FAM184A: variants seen among roughly 807,000 people sequenced by gnomAD.
FAM184A encodes protein FAM184A.
FAM184A carries 99 observed loss-of-function variants against 143.8 expected under a neutral mutation model. The observed-to-expected ratio is 0.69, with a 90% CI of 0.58 to 0.81. The LOEUF (loss-of-function observed/expected upper bound fraction) is 0.81. Among genes scored for constraint, FAM184A ranks in the 40% least tolerant of loss-of-function variants. The pLI is 0.00. For synonymous variants in FAM184A, 427 were observed against 446.4 expected (o/e 0.96, Z 0.55); for missense variants, 1,217 against 1,310.5 (o/e 0.93, Z 1.10).
chr6:119,022,963 C>T lies in FAM184A; in HGVS notation c.1132G>A (p.Asp378Asn). 1 of 1,614,204 alleles carries T rather than the reference C, an allele frequency of 6.2e-7. No individual in the cohort carries two copies. The highest frequency in any genetic ancestry group is 8.5e-7 in the Non-Finnish European group (1 of 1,180,018). Residue 378 changes from aspartate to asparagine, a missense_variant, in exon 3 of 18, where the codon GAT becomes AAT. Coordinates refer to ENST00000338891, the MANE Select transcript of FAM184A (RefSeq NM_024581.6). Reference protein sequence around the residue: ...ARERLQQQASDLVLKASHIGM... With the variant: ...ARERLQQQASNLVLKASHIGM... ...CACATACTAGCTTTGAGGACAAGATCTGAAGCTTGCTGTTGTAAACGTTCT... is the reference window on the plus strand; with the variant it reads ...CACATACTAGCTTTGAGGACAAGATTTGAAGCTTGCTGTTGTAAACGTTCT...
rs968320251 is a variant in FAM184A at position 118,967,607 on chromosome 6, C to T, written c.2916-655G>A. On this transcript the variant is annotated intron_variant, in intron 14 of 17. Coordinates refer to ENST00000338891, the MANE Select transcript of FAM184A (RefSeq NM_024581.6). ...TGGTAATAGGCCTGAATGCCTTGAACGTTAAAATATAGGCCACTTTTTATA... is the reference window on the plus strand; with the variant it reads ...TGGTAATAGGCCTGAATGCCTTGAATGTTAAAATATAGGCCACTTTTTATA... Among the ~76,000 whole-genome samples the T allele has an allele frequency of 3.3e-5, 5 of 152,078 alleles. No individual in the cohort carries two copies. In the East Asian group the frequency reaches 5.8e-4, roughly 18 times the overall value.
At chr6:119,099,584 C>G (rs1788590734) in intron 1 of FAM184A, among the ~76,000 whole-genome samples, 1 of 152,148 alleles carries the variant, frequency 6.6e-6, no homozygotes, top group South Asian at 2.1e-4. Flanking sequence ...TCTGGACAGA[C>G]AGGCCTTGCT....
intron 1 of FAM184A, among the ~76,000 whole-genome samples, chr6:119,087,542 T>C (rs1788253212): frequency 6.6e-6 from 1 of 152,070 alleles, no homozygotes; most frequent in African/African-American, 2.4e-5. Flanking sequence ...GAGATACCAC[T>C]TCACACCCAT....
chr6:119,062,010 T>G (rs1183048124), intron 1 of FAM184A, among the ~76,000 whole-genome samples: 1 of 151,946 alleles, frequency 6.6e-6, no homozygotes, highest in Non-Finnish European at 1.5e-5. Flanking sequence ...GACAGAGGTA[T>G]GAGGCAAGAT....
Position 119,078,396 on chromosome 6 carries a change from T to C in FAM184A, c.-97A>G. The C allele has an allele frequency of 8.0e-7, 1 of 1,245,130 alleles. No individual in the cohort carries two copies. The highest frequency in any genetic ancestry group is 1.0e-6 in the Non-Finnish European group (1 of 958,410). The allele number at this position is 1,245,130 out of a possible 1,614,324, so 77.1% of individuals were successfully genotyped here. A position where few individuals can be genotyped will look rare whatever the true frequency, so the allele number is the denominator to read the frequency against. On this transcript the variant is annotated 5_prime_UTR_variant, in exon 1 of 18. Coordinates refer to ENST00000338891, the MANE Select transcript of FAM184A (RefSeq NM_024581.6). The surrounding 1 kb of genome is among the most constrained non-coding windows in gnomAD (Gnocchi z 5.5). ...GGAGGCAAGAGTCGCGGCGGCCGCT[T>C]CCCGACCCGACACCCGGCGCCCCCC...
rs1783337615 is a variant in FAM184A at position 118,961,869 on chromosome 6, G to A, written c.3233C>T (p.Pro1078Leu). ...LESGGVGNGHPNRLDPIPNSP... is the reference protein window; with the variant it reads ...LESGGVGNGHLNRLDPIPNSP... ...ATTAGGAATGGGATCCAGGCGGTTAGGATGTCCATTGCCCACTCCACCAGA... is the reference window on the plus strand; with the variant it reads ...ATTAGGAATGGGATCCAGGCGGTTAAGATGTCCATTGCCCACTCCACCAGA... Residue 1078 changes from proline to leucine, a missense_variant, in exon 17 of 18, where the codon CCT becomes CTT. Coordinates refer to ENST00000338891, the MANE Select transcript of FAM184A (RefSeq NM_024581.6). The A allele has an allele frequency of 6.2e-7, 1 of 1,613,888 alleles. No individual in the cohort carries two copies.
At chr6:119,090,204 G>A (rs543735743) in intron 1 of FAM184A, among the ~76,000 whole-genome samples, 3 of 152,280 alleles carry the variant, frequency 2.0e-5, no homozygotes, top group South Asian at 4.1e-4. Context: ...TTGTTGAGTT[G>A]GTTACCACTT....
At chr6:118,992,279 G>C (rs1038438434) in intron 9 of FAM184A, among the ~76,000 whole-genome samples, 1 of 152,152 alleles carries the variant, frequency 6.6e-6, no homozygotes, top group African/African-American at 2.4e-5. Flanking sequence ...GATTACATGG[G>C]AAGTAAAGGA....
In FAM184A at chr6:119,002,884, C is replaced by T. The variant is rs1200782072; in HGVS notation, c.2088+15G>A. The T allele has an allele frequency of 3.8e-6, 6 of 1,597,638 alleles. No individual in the cohort carries two copies. The highest frequency in any genetic ancestry group is 4.3e-6 in the Non-Finnish European group (5 of 1,173,762). ...AAGGGAGATGAAACTTCATCATGTA[C>T]ACATTATTAATTACCTGGTTTAAGA... On this transcript the variant is annotated intron_variant, in intron 9 of 17. Coordinates refer to ENST00000338891, the MANE Select transcript of FAM184A (RefSeq NM_024581.6).
At chr6:119,075,646 G>A (rs1787846213) in intron 1 of FAM184A, among the ~76,000 whole-genome samples, 1 of 152,134 alleles carries the variant, frequency 6.6e-6, no homozygotes, top group African/African-American at 2.4e-5. Flanking sequence ...CATTTACAGT[G>A]TACAATTATG....
intron 1 of FAM184A, among the ~76,000 whole-genome samples, chr6:119,069,867 A>G (rs1787617726): frequency 6.6e-6 from 1 of 152,174 alleles, no homozygotes; most frequent in African/African-American, 2.4e-5. Flanking sequence ...TTACCCTGTT[A>G]TTTTACTAAA....
chr6:119,034,039 TATAGAGAG>T (rs1268962655), intron 1 of FAM184A, among the ~76,000 whole-genome samples: 1,221 of 30,258 alleles, frequency 0.04, 8 homozygotes, highest in South Asian at 0.059. Flanking sequence ...TATATATATA[TATAGAGAG>T]AGAGAGAGAG....
intron 14 of FAM184A, among the ~76,000 whole-genome samples, chr6:118,971,890 C>T (rs1271790193): frequency 6.6e-6 from 1 of 152,218 alleles, no homozygotes; most frequent in Non-Finnish European, 1.5e-5. Flanking sequence ...TGCCCCCAAG[C>T]TTCCTCAGTG....
chr6:119,043,893 A>C (rs1282535180), intron 1 of FAM184A, among the ~76,000 whole-genome samples: 1 of 152,186 alleles, frequency 6.6e-6, no homozygotes, highest in African/African-American at 2.4e-5. Flanking sequence ...GTAGTTATAA[A>C]CTACACTGAA....
chr6:119,039,786 C>A (rs1266578112), intron 1 of FAM184A, among the ~76,000 whole-genome samples: 1 of 152,196 alleles, frequency 6.6e-6, no homozygotes, highest in Non-Finnish European at 1.5e-5. Flanking sequence ...CAGGCCATTT[C>A]TTGATGGTCC....
At chr6:119,121,630 T>C (rs1789215984) in intron 1 of FAM184A, among the ~76,000 whole-genome samples, 1 of 152,244 alleles carries the variant, frequency 6.6e-6, no homozygotes, top group Non-Finnish European at 1.5e-5. Context: ...GACATTCTAA[T>C]GAGGACATCT....
chr6:119,121,682 T>C (rs1177265007), intron 1 of FAM184A, among the ~76,000 whole-genome samples: 1 of 152,242 alleles, frequency 6.6e-6, no homozygotes, highest in African/African-American at 2.4e-5. Context: ...GGTATTTAAG[T>C]GTAAATTAAC....
intron 1 of FAM184A, among the ~76,000 whole-genome samples, chr6:119,048,099 T>G (rs1368552223): frequency 6.6e-6 from 1 of 152,156 alleles, no homozygotes; most frequent in Non-Finnish European, 1.5e-5. Context: ...CAAATGTGAT[T>G]CATCACATAA....
At chr6:118,967,696 T>C (rs2114544538) in intron 14 of FAM184A, among the ~76,000 whole-genome samples, 1 of 152,266 alleles carries the variant, frequency 6.6e-6, no homozygotes, top group East Asian at 1.9e-4. Flanking sequence ...AGAATACAAA[T>C]GGAAACTGCT....
Sources: gnomAD v4.1 joint callset for allele counts (sites outside exome capture counted in the v4.1 genomes callset) on GRCh38, gnomAD v4.1.1 for gene constraint, Gnocchi (gnomAD v3.1) non-coding constraint, MANE v1.5 for transcripts, NCBI Gene and HGNC (gene_info 2026-07-23, HGNC 2026-07-21) for gene names.